HUNK: variants seen among roughly 807,000 people sequenced by gnomAD.
HUNK encodes the protein hormonally up-regulated neu tumor-associated kinase.
Under a neutral mutation model 61.0 loss-of-function variants are expected in HUNK, and 21 were observed. The observed-to-expected ratio is 0.34, with a 90% CI of 0.24 to 0.50. HUNK has a LOEUF of 0.50. Among genes scored for constraint, HUNK ranks in the 20% least tolerant of loss-of-function variants. The pLI is 0.98. For missense variants in HUNK, 772 were observed against 945.7 expected (o/e 0.82, Z 2.41); for synonymous variants, 371 against 386.1 (o/e 0.96, Z 0.46).
intron 8 of HUNK, among the ~76,000 whole-genome samples, 173 bp from the exon 9 acceptor site, chr21:31,989,956 A>G (rs1235862294): frequency 6.6e-6 from 1 of 152,168 alleles, no homozygotes; most frequent in South Asian, 2.1e-4. Flanking sequence ...TATTCAGCAC[A>G]CGAGTTAGGA....
At chr21:31,886,378 A>T (rs1298947460) in intron 1 of HUNK, among the ~76,000 whole-genome samples, 1 of 147,698 alleles carries the variant, frequency 6.8e-6, no homozygotes, top group Non-Finnish European at 1.5e-5. Flanking sequence ...GCGAGCCGAG[A>T]TTGCGCCATT....
chr21:31,873,758 C>T lies in HUNK; in HGVS notation c.84C>T (p.Pro28=), dbSNP rs776630841. 2.0e-6 allele frequency: 3 copies of T among 1,478,070 alleles called. No homozygotes were observed. The highest frequency in any genetic ancestry group is 2.8e-5 in the East Asian group (1 of 35,786). 91.6% of individuals were successfully genotyped at this position (1,478,070 alleles called of 1,614,324 possible). ...GCGGCGCGGAGGACGCGGCCAGGCC[C>T]GCGGCGGCCTGCGAGGGAAGTTTCC... ...GGGGAEDAAR[P]AAACEGSFLP... The change falls in exon 1 of 11, where the codon CCC becomes CCT. Residue 28 remains proline, a synonymous_variant. Transcript: ENST00000270112. This position sits in a 1 kb window ranked among gnomAD's most constrained non-coding sequence, Gnocchi z 6.1.
chr21:31,876,136 G>T (rs1291912562), intron 1 of HUNK, among the ~76,000 whole-genome samples: 2 of 152,168 alleles, frequency 1.3e-5, no homozygotes, highest in African/African-American at 4.8e-5. Context: ...TCACTTCATT[G>T]TTGCAATGAC....
chr21:31,982,236 G>A (rs1264173055), intron 7 of HUNK, among the ~76,000 whole-genome samples: 1 of 152,178 alleles, frequency 6.6e-6, no homozygotes, highest in Non-Finnish European at 1.5e-5. Context: ...CCAGTTGTGA[G>A]TTTTATGATG....
intron 2 of HUNK, among the ~76,000 whole-genome samples, chr21:31,933,074 C>G (rs1375966839): frequency 4.6e-5 from 7 of 151,940 alleles, no homozygotes; most frequent in Non-Finnish European, 7.4e-5. Context: ...CATCACCACA[C>G]CTGGCTAATT....
intron 3 of HUNK, among the ~76,000 whole-genome samples, chr21:31,944,092 CTTTTT>C (rs2052786199): frequency 6.6e-6 from 1 of 152,212 alleles, no homozygotes; most frequent in Non-Finnish European, 1.5e-5. Context: ...TCCCACCTTT[CTTTTT>C]GAGATGGAGT....
intron 1 of HUNK, among the ~76,000 whole-genome samples, chr21:31,895,733 C>T (rs2052420323): frequency 6.6e-6 from 1 of 152,186 alleles, no homozygotes; most frequent in African/African-American, 2.4e-5. Context: ...CAGTGAGCTG[C>T]TGTGTGTTTC....
At chr21:31,988,256 C>T (rs765183615) in intron 8 of HUNK, among the ~76,000 whole-genome samples, 4 of 152,018 alleles carry the variant, frequency 2.6e-5, no homozygotes, top group Non-Finnish European at 4.4e-5. Flanking sequence ...CTTTGGGGGT[C>T]GAGGTGGGGA....
intron 5 of HUNK, among the ~76,000 whole-genome samples, chr21:31,964,545 G>A (rs2052950300): frequency 1.3e-5 from 2 of 152,214 alleles, no homozygotes; most frequent in Admixed American, 6.5e-5. Flanking sequence ...GAGAACCTAA[G>A]TGTTATCTCA....
chr21:31,955,258 AT>A (rs10654162), intron 4 of HUNK, among the ~76,000 whole-genome samples: 5,269 of 144,880 alleles, frequency 0.036, 275 homozygotes, highest in African/African-American at 0.12. Flanking sequence ...AATAAAAGTG[AT>A]TTTTTTTTTT....
intron 3 of HUNK, among the ~76,000 whole-genome samples, chr21:31,945,624 C>T (rs1368419274): frequency 6.6e-6 from 1 of 152,180 alleles, no homozygotes; most frequent in Non-Finnish European, 1.5e-5. Flanking sequence ...TCAATCTTCC[C>T]TCATCTTTTC....
chr21:31,947,450 G>C (rs1481137357), intron 4 of HUNK, among the ~76,000 whole-genome samples: 1 of 152,224 alleles, frequency 6.6e-6, no homozygotes, highest in Non-Finnish European at 1.5e-5. Flanking sequence ...TCCCTGCCAG[G>C]GAGTCCCCCG....
Position 31,924,090 on chromosome 21 carries a change from G to A in HUNK, c.262-378G>A, listed in dbSNP as rs2052643011. 6.6e-6 allele frequency among the ~76,000 whole-genome samples: 1 copy of A among 152,126 alleles called. No homozygotes were observed. Among genetic ancestry groups the A allele is most frequent in the Non-Finnish European group, 1.5e-5 (1 of 68,030 alleles). On this transcript the variant is annotated intron_variant, in intron 1 of 10. Coordinates refer to ENST00000270112, the MANE Select transcript of HUNK (RefSeq NM_014586.2). The surrounding 1 kb of genome is among the most constrained non-coding windows in gnomAD (Gnocchi z 5.1). ...TGATGGTGAGTCCTGAGGGGGACTG[G>A]GACAAGCCCTTTGCTGGAAGAGAAA... is the stretch of plus-strand genomic sequence containing the variant.
At chr21:31,889,978 A>G (rs1024468380) in intron 1 of HUNK, among the ~76,000 whole-genome samples, 10 of 152,144 alleles carry the variant, frequency 6.6e-5, no homozygotes, top group Admixed American at 3.9e-4. Flanking sequence ...ATGATCAACT[A>G]TAAATATTTT....
At chr21:31,983,494 T>G in intron 7 of HUNK, 32 bp from the exon 8 acceptor site, 5 of 1,529,438 alleles carry the variant, frequency 3.3e-6, no homozygotes, top group Non-Finnish European at 4.5e-6. Context: ...TTCTGAGAGT[T>G]GAGCTGTGCT....
chr21:31,968,975 T>A (rs925510065), intron 6 of HUNK, among the ~76,000 whole-genome samples: 1 of 151,816 alleles, frequency 6.6e-6, no homozygotes, highest in African/African-American at 2.4e-5. Context: ...GCCTCCTGGT[T>A]TCAAGCGATT....
At position 32,003,758 on chromosome 21, in the gene HUNK, C is replaced by T. The variant is rs2053260729; in HGVS notation, c.*4574C>T. The T allele has an allele frequency of 1.3e-5, 2 of 152,106 alleles. No homozygotes were observed. Among genetic ancestry groups the T allele is most frequent in the African/African-American group, 4.8e-5 (2 of 41,406 alleles). The allele number at this position is 152,106 out of a possible 1,614,324, so 9.4% of individuals were successfully genotyped here. ...TCTCTGTGGACATGTTTTTGTGACA[C>T]ACAGTTATCTCTAGGAGTTGACGTC... On this transcript the variant is annotated 3_prime_UTR_variant, in exon 11 of 11. Transcript: ENST00000270112.
intron 8 of HUNK, among the ~76,000 whole-genome samples, chr21:31,987,944 G>A (rs1010905126): frequency 3.3e-5 from 5 of 152,192 alleles, no homozygotes; most frequent in Admixed American, 1.3e-4. Context: ...CCCAGGGCTC[G>A]TGTCCCCTAG....
intron 4 of HUNK, among the ~76,000 whole-genome samples, chr21:31,957,048 C>T (rs544664070): frequency 3.9e-5 from 6 of 152,238 alleles, no homozygotes; most frequent in Non-Finnish European, 2.9e-5. Context: ...ACCTGTGTGG[C>T]ATGTTCCCTC....
Sources: gnomAD v4.1 joint callset for allele counts (sites outside exome capture counted in the v4.1 genomes callset) on GRCh38, gnomAD v4.1.1 for gene constraint, Gnocchi (gnomAD v3.1) non-coding constraint, MANE v1.5 for transcripts, NCBI Gene and HGNC (gene_info 2026-07-23, HGNC 2026-07-21) for gene names.